ANKRD44: variants seen among roughly 807,000 people sequenced by gnomAD.
ANKRD44 encodes serine/threonine-protein phosphatase 6 regulatory ankyrin repeat subunit B.
ANKRD44 carries 35 observed loss-of-function variants against 116.0 expected under a neutral mutation model. The observed-to-expected ratio is 0.30, with a 90% confidence interval of 0.23 to 0.40. ANKRD44 has a LOEUF of 0.40. ANKRD44 is among the 10% of genes least tolerant of loss of function. The pLI is 1.00. For missense variants in ANKRD44, 1,014 were observed against 1,242.6 expected, an observed-to-expected ratio of 0.82 and a Z score of 2.77; for synonymous variants, 435 against 461.8, an observed-to-expected ratio of 0.94 and a Z score of 0.74.
In ANKRD44 at chr2:196,986,844, C is replaced by T. The variant is rs2075842904; in HGVS notation, c.*2747G>A. On this transcript the variant is annotated 3_prime_UTR_variant, in exon 28 of 28. Coordinates refer to ENST00000282272, the MANE Select transcript of ANKRD44 (RefSeq NM_001195144.2). ...ATTCACTGAACTAAAAGTCATTTTC[C>T]CCATTTTTACAGTCATGACATTTAC... 1.0e-6 allele frequency: 1 copy of T among 985,226 alleles called. No individual in the cohort carries two copies. Among genetic ancestry groups the T allele is most frequent in the Non-Finnish European group, 1.2e-6 (1 of 829,910 alleles). 61.0% of individuals were successfully genotyped at this position (985,226 alleles called of 1,614,324 possible). A position where few individuals can be genotyped will look rare whatever the true frequency, so the allele number is the denominator to read the frequency against.
intron 9 of ANKRD44, among the ~76,000 whole-genome samples, chr2:197,105,792 C>T (rs568829997): frequency 2.0e-5 from 3 of 152,282 alleles, no homozygotes; most frequent in African/African-American, 7.2e-5. Context: ...CCCACAGATA[C>T]CTCAGAGCAA....
Position 197,110,654 on chromosome 2 carries a change from T to C in ANKRD44, c.985+112A>G, listed in dbSNP as rs188719230. ...TACATCAAAGAATTATGTAATTGCATGCTTACTAAAACTCCAAAACAGGGC... is the reference window on the plus strand; with the variant it reads ...TACATCAAAGAATTATGTAATTGCACGCTTACTAAAACTCCAAAACAGGGC... On this transcript the variant is annotated intron_variant, in intron 9 of 27. Transcript: ENST00000282272. The C allele has an allele frequency of 3.1e-4, 262 of 840,538 alleles. No individual in the cohort carries two copies. In the African/African-American group the frequency reaches 3.9e-3, roughly 13 times the overall value. 52.1% of individuals were successfully genotyped at this position (840,538 alleles called of 1,614,324 possible). A position where few individuals can be genotyped will look rare whatever the true frequency, so the allele number is the denominator to read the frequency against.
intron 16 of ANKRD44, among the ~76,000 whole-genome samples, chr2:197,058,990 T>C (rs2125044647): frequency 6.6e-6 from 1 of 151,048 alleles, no homozygotes; most frequent in Admixed American, 6.7e-5. Flanking sequence ...TGAGAGCTAT[T>C]CTTAAATTTA....
rs147989452 is a variant in ANKRD44 at position 197,107,643 on chromosome 2, T to C, written c.985+3123A>G. Among the ~76,000 whole-genome samples the C allele has an allele frequency of 1.5e-3, 222 of 152,298 alleles. 1 individual carries two copies. The highest frequency in any genetic ancestry group is 5.0e-3 in the African/African-American group (208 of 41,562). On this transcript the variant is annotated intron_variant, in intron 9 of 27. Transcript: ENST00000282272. ...AAACTATTCAAAGTCCAAACACCAA[T>C]GCAATTTAACAAAACAAATAAATAC...
At chr2:197,051,051 C>T (rs1348134958) in intron 16 of ANKRD44, among the ~76,000 whole-genome samples, 2 of 151,502 alleles carry the variant, frequency 1.3e-5, no homozygotes, top group African/African-American at 2.4e-5. Flanking sequence ...CAGCCTTGAC[C>T]TCCTGGGCTC....
intron 5 of ANKRD44, 85 bp from the exon 6 acceptor site, chr2:197,125,553 T>G (rs112342271): frequency 4.8e-6 from 6 of 1,261,928 alleles, no homozygotes; most frequent in African/African-American, 4.4e-5. Flanking sequence ...TGAGCCAAAT[T>G]AACATGAAAT....
intron 1 of ANKRD44, among the ~76,000 whole-genome samples, chr2:197,207,942 T>C (rs1233305671): frequency 6.6e-6 from 1 of 152,198 alleles, no homozygotes; most frequent in Non-Finnish European, 1.5e-5. Context: ...CTCCCCCTTC[T>C]ATAAATTGTA....
chr2:197,265,435 C>G (rs184970657), intron 1 of ANKRD44, among the ~76,000 whole-genome samples: 39 of 152,136 alleles, frequency 2.6e-4, no homozygotes, highest in Admixed American at 9.2e-4. Flanking sequence ...TTAGTAGAGA[C>G]AGGGTTTCAC....
At chr2:197,036,496 T>C (rs996768654) in intron 16 of ANKRD44, among the ~76,000 whole-genome samples, 49 of 152,152 alleles carry the variant, frequency 3.2e-4, no homozygotes, top group African/African-American at 1.1e-3. Flanking sequence ...TGACCTCAAA[T>C]GATCCACCTC....
chr2:197,140,561 T>G lies in ANKRD44; in HGVS notation c.191-3899A>C, dbSNP rs538958330. On this transcript the variant is annotated intron_variant, in intron 3 of 27. Transcript: ENST00000282272. ...GTCTCAAACTTCTGCCCTCAAGTGA[T>G]CCTCCTATTTCAGCCTTCTAATGTT... Among the ~76,000 whole-genome samples, 13 of 152,270 alleles carry G rather than the reference T, an allele frequency of 8.5e-5. No homozygotes were observed. In the South Asian group the frequency reaches 2.1e-3, roughly 24 times the overall value.
At chr2:197,217,800 G>A (rs1350709532) in intron 1 of ANKRD44, among the ~76,000 whole-genome samples, 1 of 152,138 alleles carries the variant, frequency 6.6e-6, no homozygotes, top group Non-Finnish European at 1.5e-5. Context: ...TGAGTTGGAA[G>A]GTATGTATTT....
Position 197,052,562 on chromosome 2 carries a change from T to C in ANKRD44, c.1650+26141A>G, listed in dbSNP as rs73049678. ...ATGTTCCAAGTCTACAGAAGACTCA[T>C]GTTCTGTTGGGAGTTACTAATTACA... On this transcript the variant is annotated intron_variant, in intron 16 of 27. Transcript: ENST00000282272. Among the ~76,000 whole-genome samples the C allele has an allele frequency of 4.1e-3, 623 of 152,212 alleles. 10 individuals are homozygous for C. The highest frequency in any genetic ancestry group is 0.014 in the African/African-American group (601 of 41,530).
At chr2:197,016,347 TG>T (rs1348190127) in intron 17 of ANKRD44, among the ~76,000 whole-genome samples, 1 of 152,218 alleles carries the variant, frequency 6.6e-6, no homozygotes, top group Non-Finnish European at 1.5e-5. Flanking sequence ...TCTTGTAAAT[TG>T]GGGTAGTGGT....
At chr2:196,975,463 G>GTT (rs983391669) in intron 21 of ANKRD44, among the ~76,000 whole-genome samples, 5 of 152,102 alleles carry the variant, frequency 3.3e-5, no homozygotes, top group Non-Finnish European at 7.4e-5. Context: ...TGAGGCCAGC[G>GTT]TTACCATCAC....
chr2:197,216,869 AACACACAC>A (rs61641385), intron 1 of ANKRD44, among the ~76,000 whole-genome samples: 4 of 139,732 alleles, frequency 2.9e-5, no homozygotes, highest in African/African-American at 5.5e-5. Context: ...ACATTGGTTA[AACACACAC>A]ACACACACAC....
intron 16 of ANKRD44, among the ~76,000 whole-genome samples, chr2:197,047,097 C>T (rs1288062784): frequency 1.3e-5 from 2 of 151,876 alleles, no homozygotes; most frequent in African/African-American, 4.8e-5. Context: ...CGGCTCACTA[C>T]AAGCTCCGCC....
At chr2:197,198,785 C>G (rs2081023417) in intron 1 of ANKRD44, 1 of 137,888 alleles carries the variant, frequency 7.3e-6, no homozygotes, top group Non-Finnish European at 1.5e-5. Flanking sequence ...AGCAAGACTC[C>G]ATCTCGAAAA....
intron 25 of ANKRD44, among the ~76,000 whole-genome samples, chr2:196,996,135 G>A (rs373514134): frequency 6.6e-5 from 10 of 152,286 alleles, no homozygotes; most frequent in Admixed American, 4.6e-4. Context: ...AACATGTGGC[G>A]TGCAGACCAG....
intron 9 of ANKRD44, among the ~76,000 whole-genome samples, chr2:197,100,872 T>G (rs558484282): frequency 1.3e-5 from 2 of 152,330 alleles, no homozygotes; most frequent in Admixed American, 1.3e-4. Context: ...TTCACTAAAT[T>G]TCTTTTTTTC....
Sources: gnomAD v4.1 joint callset for allele counts (sites outside exome capture counted in the v4.1 genomes callset) on GRCh38, gnomAD v4.1.1 for gene constraint, MANE v1.5 for transcripts, NCBI Gene and HGNC (gene_info 2026-07-23, HGNC 2026-07-21) for gene names.